Variants in PDE4D observed in about 807,000 individuals in gnomAD.
PDE4D encodes 3',5'-cyclic-AMP phosphodiesterase 4D.
A neutral mutation model predicts 87.4 loss-of-function variants in PDE4D; 24 were observed. That is an observed-to-expected ratio of 0.27 (90% CI 0.20 to 0.39). The LOEUF (loss-of-function observed/expected upper bound fraction) is 0.39. PDE4D is among the 10% of genes least tolerant of loss of function. The probability of loss-of-function intolerance (pLI) is 1.00; values close to 1 mark genes in which losing one functional copy is unlikely to be tolerated. For missense variants in PDE4D, 714 were observed against 1,041.0 expected, an observed-to-expected ratio of 0.69 and a Z score of 4.32; for synonymous variants, 384 against 383.2, an observed-to-expected ratio of 1.00 and a Z score of -0.02.
At chr5:59,391,346 C>T (rs984292061) in intron 1 of PDE4D, among the ~76,000 whole-genome samples, 6 of 152,094 alleles carry the variant, frequency 3.9e-5, no homozygotes, top group African/African-American at 1.4e-4. Context: ...CATAGTTTGT[C>T]AGTAAAGTGT....
chr5:58,999,573 A>ATG lies in PDE4D; in HGVS notation c.922-6109_922-6108insCA, dbSNP rs750900441. The ATG allele has an allele frequency of 1.6e-5, 18 of 1,144,080 alleles. No individual in the cohort carries two copies. The Admixed American group carries it at 1.9e-4, about 12-fold the overall frequency. The allele number at this position is 1,144,080 out of a possible 1,614,324, so 70.9% of individuals were successfully genotyped here. A position where few individuals can be genotyped will look rare whatever the true frequency, so the allele number is the denominator to read the frequency against. On this transcript the variant is annotated intron_variant, in intron 6 of 14. Transcript: ENST00000340635. ...TATATGTATATATATATATATGTATATATATAGTAAGCTCTAAAATGTATT... is the reference window on the plus strand; with the variant it reads ...TATATGTATATATATATATATGTATATGTATATAGTAAGCTCTAAAATGTATT...
chr5:59,845,362 G>A (rs777317343), intron 1 of PDE4D, among the ~76,000 whole-genome samples: 8 of 151,992 alleles, frequency 5.3e-5, no homozygotes, highest in Non-Finnish European at 1.0e-4. Context: ...CATCCCTGGC[G>A]CCACCTATAT....
chr5:59,845,595 A>T (rs1267738991), intron 1 of PDE4D, among the ~76,000 whole-genome samples: 2 of 152,104 alleles, frequency 1.3e-5, no homozygotes, highest in African/African-American at 4.8e-5. Flanking sequence ...CAGATTTGCC[A>T]ACACAAGACG....
intron 1 of PDE4D, among the ~76,000 whole-genome samples, chr5:60,435,191 T>C (rs183303224): frequency 3.9e-5 from 6 of 152,228 alleles, no homozygotes; most frequent in Non-Finnish European, 8.8e-5. Flanking sequence ...TTTTGAATGA[T>C]GGGAATTACT....
chr5:59,441,880 G>C (rs1390678210), intron 1 of PDE4D, among the ~76,000 whole-genome samples: 2 of 152,052 alleles, frequency 1.3e-5, no homozygotes, highest in Non-Finnish European at 2.9e-5. Flanking sequence ...TTGGATGAAC[G>C]GTCTTCCATC....
At position 59,465,991 on chromosome 5, in the gene PDE4D, A is replaced by G. The variant is rs867038699; in HGVS notation, c.456-250023T>C. Among the ~76,000 whole-genome samples the G allele has an allele frequency of 2.6e-5, 4 of 152,302 alleles. No individual in the cohort carries two copies. The Middle Eastern group carries it at 0.01, about 389-fold the overall frequency. On this transcript the variant is annotated intron_variant, in intron 1 of 14. Coordinates refer to ENST00000340635, the MANE Select transcript of PDE4D (RefSeq NM_001104631.2). ...TTGTTTTTTTAGAATTTTCTATAAAATTGTGGCACCATGTTTATATCTGCA... is the reference window on the plus strand; with the variant it reads ...TTGTTTTTTTAGAATTTTCTATAAAGTTGTGGCACCATGTTTATATCTGCA...
At chr5:59,134,552 TCTTTC>T (rs1776759481) in intron 5 of PDE4D, among the ~76,000 whole-genome samples, 1 of 152,204 alleles carries the variant, frequency 6.6e-6, no homozygotes, top group South Asian at 2.1e-4. Flanking sequence ...CTGGCATTTT[TCTTTC>T]CTTCAGAAAT....
intron 1 of PDE4D, among the ~76,000 whole-genome samples, chr5:59,729,371 A>G (rs1218745710): frequency 1.3e-5 from 2 of 152,206 alleles, no homozygotes; most frequent in South Asian, 2.1e-4. Context: ...TGATTAAGCT[A>G]CATTTATCAA....
chr5:59,228,357 G>A (rs753823168), intron 1 of PDE4D, among the ~76,000 whole-genome samples: 12 of 151,582 alleles, frequency 7.9e-5, no homozygotes, highest in Non-Finnish European at 1.5e-4. Flanking sequence ...CCAAACCCCC[G>A]GGGTCACAAG....
At chr5:60,167,265 T>TC (rs1315830374) in intron 2 of PDE4D, among the ~76,000 whole-genome samples, 1 of 136,658 alleles carries the variant, frequency 7.3e-6, no homozygotes, top group Non-Finnish European at 1.5e-5. Context: ...CTGTGTATTT[T>TC]CTTTTTTTTT....
rs73758821 is a variant in PDE4D, at chr5:59,604,725, T to A, written c.455+288443A>T. On this transcript the variant is annotated intron_variant, in intron 1 of 14. Coordinates refer to ENST00000340635, the MANE Select transcript of PDE4D (RefSeq NM_001104631.2). ...AAACTACAATGAGGTATTTTGCCTA[T>A]CACATTCGTTTAAGATTTTTTTTAA... Among the ~76,000 whole-genome samples, 1,088 of 152,106 alleles carry A rather than the reference T, an allele frequency of 7.2e-3. 12 individuals carry two copies. Among genetic ancestry groups the A allele is most frequent in the African/African-American group, 0.023 (965 of 41,532 alleles).
intron 2 of PDE4D, among the ~76,000 whole-genome samples, chr5:60,031,206 C>T (rs1767205954): frequency 6.6e-6 from 1 of 152,136 alleles, no homozygotes; most frequent in Non-Finnish European, 1.5e-5. Flanking sequence ...GATTAACCAC[C>T]TATGATTAAA....
intron 1 of PDE4D, among the ~76,000 whole-genome samples, chr5:60,508,837 A>T (rs774045247): frequency 2.6e-5 from 4 of 152,148 alleles, no homozygotes; most frequent in Admixed American, 6.5e-5. Flanking sequence ...TCATGTTTGA[A>T]CAAAGTTTAT....
At chr5:59,415,046 G>GGA (rs1394345520) in intron 1 of PDE4D, among the ~76,000 whole-genome samples, 1 of 152,180 alleles carries the variant, frequency 6.6e-6, no homozygotes, top group African/African-American at 2.4e-5. Flanking sequence ...GCTAGAGTCT[G>GGA]GAGACTGAGG....
At chr5:60,282,905 A>G (rs1752076020) in intron 1 of PDE4D, among the ~76,000 whole-genome samples, 1 of 152,190 alleles carries the variant, frequency 6.6e-6, no homozygotes, top group African/African-American at 2.4e-5. Flanking sequence ...ATCTTTTTAA[A>G]TGTACTGAGA....
intron 1 of PDE4D, among the ~76,000 whole-genome samples, chr5:59,498,696 A>G (rs1807680622): frequency 6.6e-6 from 1 of 152,084 alleles, no homozygotes; most frequent in Admixed American, 6.5e-5. Flanking sequence ...GGCATTACAT[A>G]ATGATAAAGT....
At chr5:59,749,479 G>T (rs1198772837) in intron 1 of PDE4D, among the ~76,000 whole-genome samples, 1 of 152,116 alleles carries the variant, frequency 6.6e-6, no homozygotes, top group Admixed American at 6.6e-5. Context: ...GGCCAGGCTG[G>T]TCTCAAACTC....
At chr5:59,017,687 A>G (rs949650403) in intron 6 of PDE4D, among the ~76,000 whole-genome samples, 1 of 152,346 alleles carries the variant, frequency 6.6e-6, no homozygotes, top group African/African-American at 2.4e-5. Flanking sequence ...AGAATAGTCC[A>G]ATAATTTGGA....
intron 1 of PDE4D, among the ~76,000 whole-genome samples, chr5:59,239,643 C>T (rs562102137): frequency 1.1e-4 from 16 of 152,244 alleles, no homozygotes; most frequent in Admixed American, 2.0e-4. Context: ...CATTATAATT[C>T]GTTGCCTCTC....
Sources: allele counts gnomAD v4.1 joint callset (sites outside exome capture counted in the v4.1 genomes callset), GRCh38; gene constraint gnomAD v4.1.1; transcripts MANE v1.5; gene names NCBI Gene and HGNC (gene_info 2026-07-23, HGNC 2026-07-21).